Variants in VWA3B observed in about 807,000 individuals in gnomAD.
The protein encoded by VWA3B is von Willebrand factor A domain-containing protein 3B.
Under a neutral mutation model 158.3 loss-of-function variants are expected in VWA3B, and 138 were observed. The observed-to-expected ratio is 0.87, with a 90% CI of 0.76 to 1.00. VWA3B has a LOEUF of 1.00. Ranked by LOEUF, VWA3B falls within the 50% of genes least tolerant of loss-of-function variation. The probability of loss-of-function intolerance (pLI) is 0.00; values close to 1 mark genes in which losing one functional copy is unlikely to be tolerated. For missense variants in VWA3B, 1,555 were observed against 1,565.1 expected, an observed-to-expected ratio of 0.99 and a Z score of 0.11; for synonymous variants, 596 against 587.3, an observed-to-expected ratio of 1.01 and a Z score of -0.21.
chr2:98,236,622 C>A lies in VWA3B; in HGVS notation c.2565C>A (p.Val855=), dbSNP rs770464316. The change falls in exon 19 of 28, where the codon GTC becomes GTA. Residue 855 remains valine, a synonymous_variant. Transcript: ENST00000477737. ...ACTGGCTGAAGACCTATGGCTTGGT[C>A]GCCAAGAAACTCACCCTCATGGATG... ...SENWLKTYGL[V]AKKLTLMDAL... The A allele has an allele frequency of 1.9e-6, 3 of 1,614,168 alleles. No homozygotes were observed. The Admixed American group carries it at 5.0e-5, about 27-fold the overall frequency.
intron 7 of VWA3B, among the ~76,000 whole-genome samples, chr2:98,146,947 C>T (rs1448203016): frequency 6.6e-6 from 1 of 152,106 alleles, no homozygotes; most frequent in East Asian, 1.9e-4. Flanking sequence ...CAGTGTCAGC[C>T]ACTTTTTTTG....
chr2:98,267,511 AC>A (rs1687919571), intron 21 of VWA3B, among the ~76,000 whole-genome samples: 1 of 152,116 alleles, frequency 6.6e-6, no homozygotes, highest in Admixed American at 6.5e-5. Flanking sequence ...GACACAACAT[AC>A]CAGAATCTCT....
rs369762673 is a variant in VWA3B at position 98,162,930 on chromosome 2, G to A, written c.1068G>A (p.Arg356=). The A allele has an allele frequency of 1.2e-6, 2 of 1,613,966 alleles. No homozygotes were observed. The highest frequency in any genetic ancestry group is 1.7e-6 in the Non-Finnish European group (2 of 1,180,050). ...EACSTLAQIQ[R]LVAEPPKPDV... Reference sequence around the variant, plus strand: ...GCAGCACGCTGGCCCAGATCCAGAGGCTGGTGGCCGAGCCTCCCAAGCCCG... The same window carrying A: ...GCAGCACGCTGGCCCAGATCCAGAGACTGGTGGCCGAGCCTCCCAAGCCCG... The change falls in exon 8 of 28, where the codon AGG becomes AGA. Residue 356 remains arginine (R), a synonymous_variant. Transcript: ENST00000477737.
At chr2:98,102,977 C>G (rs1391277393) in intron 2 of VWA3B, among the ~76,000 whole-genome samples, 3 of 152,212 alleles carry the variant, frequency 2.0e-5, no homozygotes, top group African/African-American at 7.2e-5. Context: ...TCAACATTCT[C>G]TAATATGCAC....
In VWA3B at chr2:98,214,654, C is replaced by T. The variant is rs533598985; in HGVS notation, c.1836+2626C>T. On this transcript the variant is annotated intron_variant, in intron 13 of 27. Coordinates refer to ENST00000477737, the MANE Select transcript of VWA3B (RefSeq NM_144992.5). ...ATACACATGATTCTGCACCTTTATTCGTCAAACAGTATACCTTGGAGATGG... is the reference window on the plus strand; with the variant it reads ...ATACACATGATTCTGCACCTTTATTTGTCAAACAGTATACCTTGGAGATGG... Among the ~76,000 whole-genome samples, 12 of 152,252 alleles carry T rather than the reference C, an allele frequency of 7.9e-5. No individual in the cohort carries two copies. In the South Asian group the frequency reaches 2.1e-3, roughly 26 times the overall value.
chr2:98,107,214 T>C (rs1202257709), intron 2 of VWA3B, among the ~76,000 whole-genome samples: 1 of 152,192 alleles, frequency 6.6e-6, no homozygotes, highest in African/African-American at 2.4e-5. Flanking sequence ...TTTTATATTA[T>C]ACATTGCAGA....
intron 6 of VWA3B, among the ~76,000 whole-genome samples, chr2:98,129,312 T>C (rs573338010): frequency 1.6e-5 from 2 of 121,742 alleles, no homozygotes; most frequent in East Asian, 2.5e-4. Flanking sequence ...GAGAGAGACA[T>C]TGTGTGTGTG....
chr2:98,264,558 C>T (rs1284311348), intron 21 of VWA3B, among the ~76,000 whole-genome samples: 1 of 151,924 alleles, frequency 6.6e-6, no homozygotes, highest in Non-Finnish European at 1.5e-5. Context: ...TTTCTAGGTT[C>T]ATTTCATTTT....
At chr2:98,224,753 T>TAAA (rs35784294) in intron 14 of VWA3B, among the ~76,000 whole-genome samples, 3 of 146,292 alleles carry the variant, frequency 2.1e-5, no homozygotes, top group Admixed American at 6.8e-5. Context: ...CAGTGTGAAT[T>TAAA]AAAAAAAAAA....
intron 21 of VWA3B, among the ~76,000 whole-genome samples, chr2:98,266,478 G>A (rs565443182): frequency 9.2e-5 from 14 of 151,480 alleles, no homozygotes; most frequent in African/African-American, 3.4e-4. Flanking sequence ...GTCAGGTAGT[G>A]TGATGCCTCC....
intron 22 of VWA3B, among the ~76,000 whole-genome samples, chr2:98,271,260 A>G (rs1007370845): frequency 1.3e-5 from 2 of 152,200 alleles, no homozygotes; most frequent in African/African-American, 4.8e-5. Flanking sequence ...CTTGTAAAAT[A>G]AGAGTATTAA....
chr2:98,246,846 T>C (rs1015325934), intron 19 of VWA3B, among the ~76,000 whole-genome samples: 17 of 152,194 alleles, frequency 1.1e-4, no homozygotes, highest in African/African-American at 3.9e-4. Context: ...TGCTCTATTT[T>C]TCCACTAAGT....
In VWA3B at chr2:98,121,281, C is replaced by A; in HGVS notation, c.543-18C>A. The A allele has an allele frequency of 6.2e-7, 1 of 1,608,356 alleles. No individual in the cohort carries two copies. Among genetic ancestry groups the A allele is most frequent in the South Asian group, 1.1e-5 (1 of 90,924 alleles). On this transcript the variant is annotated intron_variant, in intron 4 of 27. Coordinates refer to ENST00000477737, the MANE Select transcript of VWA3B (RefSeq NM_144992.5). ...CACTGATCACTGCCCAGTGACCACTCCATGTGATCCTTTTCAGGGTTTCTC... is the reference window on the plus strand; with the variant it reads ...CACTGATCACTGCCCAGTGACCACTACATGTGATCCTTTTCAGGGTTTCTC...
chr2:98,210,384 A>T (rs542653667), intron 12 of VWA3B, among the ~76,000 whole-genome samples: 1 of 152,298 alleles, frequency 6.6e-6, no homozygotes, highest in South Asian at 2.1e-4. Context: ...GCACAGTGTT[A>T]GGTCGTCATA....
chr2:98,257,953 T>C (rs1687257908), intron 21 of VWA3B, among the ~76,000 whole-genome samples: 1 of 151,974 alleles, frequency 6.6e-6, no homozygotes, highest in Admixed American at 6.6e-5. Context: ...TGAGCATTTA[T>C]CCTTTTGTTT....
intron 16 of VWA3B, 52 bp from the exon 17 acceptor site, chr2:98,234,596 T>C (rs2105724763): frequency 2.5e-6 from 4 of 1,611,164 alleles, no homozygotes; most frequent in Non-Finnish European, 3.4e-6. Flanking sequence ...TCTAATGAAG[T>C]ATCTCCTTCC....
intron 16 of VWA3B, among the ~76,000 whole-genome samples, chr2:98,232,386 A>G (rs1379129711): frequency 1.3e-5 from 2 of 152,144 alleles, no homozygotes; most frequent in Non-Finnish European, 2.9e-5. Context: ...CTATCTAGCT[A>G]GAGGCTTTCT....
intron 22 of VWA3B, among the ~76,000 whole-genome samples, chr2:98,280,337 C>T (rs62157913): frequency 0.039 from 5,904 of 151,872 alleles, 167 homozygotes; most frequent in Middle Eastern, 0.075. Flanking sequence ...CCTTTGCTGC[C>T]ACAAAGAAAA....
At chr2:98,150,642 T>C (rs1234324011) in intron 7 of VWA3B, among the ~76,000 whole-genome samples, 1 of 152,188 alleles carries the variant, frequency 6.6e-6, no homozygotes, top group African/African-American at 2.4e-5. Flanking sequence ...TCTGTGAACT[T>C]CTAGAGCAGG....
Sources: gnomAD v4.1 joint callset for allele counts (sites outside exome capture counted in the v4.1 genomes callset) on GRCh38, gnomAD v4.1.1 for gene constraint, MANE v1.5 for transcripts, NCBI Gene and HGNC (gene_info 2026-07-23, HGNC 2026-07-21) for gene names.